The following PARN variants were observed in gnomAD, a reference collection of about 807,000 sequenced individuals.
The protein encoded by PARN is poly(A)-specific ribonuclease PARN.
A neutral mutation model predicts 102.8 loss-of-function variants in PARN; 71 were observed. The ratio of observed to expected loss-of-function variants is 0.69; its 90% CI spans 0.57 to 0.84. PARN has a LOEUF of 0.84. Among genes scored for constraint, PARN ranks in the 40% least tolerant of loss-of-function variants. The pLI is 0.00. For synonymous variants in PARN, 261 were observed against 252.9 expected (o/e 1.03, Z -0.30); for missense variants, 782 against 760.9 (o/e 1.03, Z -0.33).
At chr16:14,579,248 G>A (rs967888353) in intron 18 of PARN, among the ~76,000 whole-genome samples, 1 of 152,228 alleles carries the variant, frequency 6.6e-6, no homozygotes, top group Non-Finnish European at 1.5e-5. Flanking sequence ...GATTACAGGC[G>A]TAAGCCACTA....
chr16:14,511,556 A>G (rs773765166), intron 21 of PARN, among the ~76,000 whole-genome samples: 3 of 152,166 alleles, frequency 2.0e-5, no homozygotes, highest in Non-Finnish European at 4.4e-5. Flanking sequence ...GCTTGACTCA[A>G]TGAGCTCAAA....
intron 5 of PARN, among the ~76,000 whole-genome samples, chr16:14,624,282 A>C (rs756547026): frequency 2.0e-5 from 3 of 152,224 alleles, no homozygotes; most frequent in Non-Finnish European, 2.9e-5. Flanking sequence ...CTCTGCTACA[A>C]CTATAGAATT....
chr16:14,625,551 G>A (rs563257886), intron 5 of PARN, among the ~76,000 whole-genome samples: 2 of 152,156 alleles, frequency 1.3e-5, no homozygotes, highest in Admixed American at 6.6e-5. Flanking sequence ...CCCATACCAC[G>A]GTGATTGACA....
chr16:14,611,744 T>G (rs917473052), intron 6 of PARN, among the ~76,000 whole-genome samples: 3 of 152,312 alleles, frequency 2.0e-5, no homozygotes, highest in African/African-American at 7.2e-5. Flanking sequence ...TTTCGCTATG[T>G]TGGCCAGGCT....
Position 14,582,253 on chromosome 16 carries a change from C to T in PARN, c.1120G>A (p.Glu374Lys). 1 of 1,613,734 alleles carries T rather than the reference C, an allele frequency of 6.2e-7. No homozygotes were observed. Among genetic ancestry groups the T allele is most frequent in the Non-Finnish European group, 8.5e-7 (1 of 1,179,680 alleles). Residue 374 changes from glutamate to lysine, a missense_variant, in exon 17 of 24, where the codon GAA becomes AAA. Physicochemically the swap from Glu to Lys is moderately conservative, Grantham distance 56. Coordinates refer to ENST00000437198, the MANE Select transcript of PARN (RefSeq NM_002582.4). ...EGFPSYDTAS[E>K]QLHEAGYDAY... The stretch of plus-strand genomic sequence containing the variant: ...TCGTAGCCTGCCTCGTGGAGTTGTT[C>T]AGAGGCTGTGTCATAACTTGGAAAA...
chr16:14,453,968 A>G (rs1961573787), intron 22 of PARN, among the ~76,000 whole-genome samples: 1 of 152,246 alleles, frequency 6.6e-6, no homozygotes, highest in African/African-American at 2.4e-5. Flanking sequence ...ATATAAAAAT[A>G]CATTTGCAAT....
chr16:14,464,599 A>G lies in PARN; in HGVS notation c.1671-17518T>C, dbSNP rs149372121. ...GGCAAAACCCCATCTCTACTAAAAT[A>G]TACAAAAATTAGCCAGGCGTGGTGG... On this transcript the variant is annotated intron_variant, in intron 22 of 23. Transcript: ENST00000437198. 6.4e-3 allele frequency among the ~76,000 whole-genome samples: 967 copies of G among 152,036 alleles called. 15 individuals carry two copies. The highest frequency in any genetic ancestry group is 0.022 in the African/African-American group (914 of 41,492).
intron 21 of PARN, among the ~76,000 whole-genome samples, chr16:14,517,370 C>T (rs1456651095): frequency 6.6e-6 from 1 of 152,166 alleles, no homozygotes; most frequent in Non-Finnish European, 1.5e-5. Flanking sequence ...GGATGAGGGG[C>T]CACATGGGGA....
chr16:14,593,335 T>A lies in PARN; in HGVS notation c.884A>T (p.His295Leu). The part of the protein sequence containing the change: ...IGHNMLLDVM[H>L]TVHQFYCPLP... ...AGGGCAGTAGAACTGATGAACTGTG[T>A]GCATGACGTCCAAGAGCATATTGTG... Residue 295 changes from histidine (H) to leucine (L), a missense_variant, in exon 13 of 24, where the codon CAC (histidine) becomes CTC (leucine). Transcript: ENST00000437198. 6.2e-7 allele frequency: 1 copy of A among 1,608,074 alleles called. No homozygotes were observed. The highest frequency in any genetic ancestry group is 8.5e-7 in the Non-Finnish European group (1 of 1,174,754).
intron 22 of PARN, among the ~76,000 whole-genome samples, chr16:14,463,698 G>A (rs1236862336): frequency 1.3e-5 from 2 of 152,030 alleles, no homozygotes; most frequent in Non-Finnish European, 2.9e-5. Context: ...AAATTAAAGA[G>A]AGCATCTGTG....
intron 21 of PARN, among the ~76,000 whole-genome samples, chr16:14,532,040 CCCTG>C (rs1434875902): frequency 6.6e-6 from 1 of 151,950 alleles, no homozygotes; most frequent in Non-Finnish European, 1.5e-5. Flanking sequence ...TCCAGCTTGA[CCCTG>C]TCAGAGTGAG....
intron 22 of PARN, among the ~76,000 whole-genome samples, chr16:14,481,619 T>C (rs906956111): frequency 2.6e-5 from 4 of 152,238 alleles, no homozygotes; most frequent in Non-Finnish European, 5.9e-5. Flanking sequence ...CATTTTATTT[T>C]ATTTTAATCA....
chr16:14,468,417 T>A (rs1399918876), intron 22 of PARN, among the ~76,000 whole-genome samples: 1 of 151,434 alleles, frequency 6.6e-6, no homozygotes, highest in Non-Finnish European at 1.5e-5. Context: ...CTGATGTGGG[T>A]CTTCAGAGAG....
intron 18 of PARN, among the ~76,000 whole-genome samples, chr16:14,568,326 C>T (rs1159898767): frequency 6.6e-6 from 1 of 151,190 alleles, no homozygotes; most frequent in African/African-American, 2.4e-5. Context: ...GATTCTTCCG[C>T]TTCAGCCTCC....
chr16:14,592,628 C>T (rs990711456), intron 13 of PARN, among the ~76,000 whole-genome samples: 3 of 152,112 alleles, frequency 2.0e-5, no homozygotes, highest in Non-Finnish European at 4.4e-5. Flanking sequence ...CTAGCAAGGG[C>T]GATCAAGAAT....
At chr16:14,517,379 G>T (rs1032635470) in intron 21 of PARN, among the ~76,000 whole-genome samples, 12 of 152,226 alleles carry the variant, frequency 7.9e-5, no homozygotes, top group Admixed American at 6.5e-4. Context: ...GCCACATGGG[G>T]AGAGGCTCCC....
At chr16:14,556,694 A>G (rs1967711670) in intron 18 of PARN, among the ~76,000 whole-genome samples, 1 of 152,214 alleles carries the variant, frequency 6.6e-6, no homozygotes, top group African/African-American at 2.4e-5. Context: ...AAGAAAATAA[A>G]TATTACCCAT....
intron 22 of PARN, among the ~76,000 whole-genome samples, chr16:14,461,047 A>G (rs1961936919): frequency 6.6e-6 from 1 of 152,236 alleles, no homozygotes; most frequent in South Asian, 2.1e-4. Flanking sequence ...ATGGCACTTC[A>G]TCACGGGTCT....
chr16:14,590,972 G>A (rs1308294815), intron 13 of PARN, among the ~76,000 whole-genome samples: 1 of 152,200 alleles, frequency 6.6e-6, no homozygotes, highest in Non-Finnish European at 1.5e-5. Context: ...TCTTTTAGCT[G>A]GGCGTGGTAG....
Sources: gnomAD v4.1 joint callset for allele counts (sites outside exome capture counted in the v4.1 genomes callset) on GRCh38, gnomAD v4.1.1 for gene constraint, MANE v1.5 for transcripts, NCBI Gene and HGNC (gene_info 2026-07-23, HGNC 2026-07-21) for gene names.